Variants in MAF observed in about 807,000 individuals in gnomAD.
The protein encoded by MAF is MAF bZIP transcription factor, also known as transcription factor Maf.
A neutral mutation model predicts 22.0 loss-of-function variants in MAF; 10 were observed. The observed-to-expected ratio is 0.45, with a 90% CI of 0.28 to 0.77. The LOEUF is 0.77. Ranked by LOEUF, MAF falls within the 30% of genes least tolerant of loss-of-function variation. The probability of loss-of-function intolerance (pLI) is 0.12; values close to 1 mark genes in which losing one functional copy is unlikely to be tolerated. For missense variants in MAF, 544 were observed against 548.4 expected (o/e 0.99, Z 0.08); for synonymous variants, 337 against 255.8 (o/e 1.32, Z -3.03).
the MAF span, among the ~76,000 whole-genome samples, chr16:79,452,456 T>C: frequency 6.6e-6 from 1 of 152,228 alleles, no homozygotes; most frequent in South Asian, 2.1e-4. Context: ...AGACAATTTA[T>C]AACTGGCATT....
the MAF span, among the ~76,000 whole-genome samples, chr16:79,260,767 T>C: frequency 1.3e-5 from 2 of 152,098 alleles, no homozygotes; most frequent in African/African-American, 4.8e-5. Context: ...CTCACTTTGG[T>C]ATGATATAGG....
the MAF span, among the ~76,000 whole-genome samples, chr16:79,301,286 G>T: frequency 6.6e-6 from 1 of 152,156 alleles, no homozygotes; most frequent in South Asian, 2.1e-4. Flanking sequence ...GCTGACCAGC[G>T]AGACCCTGGG....
At chr16:79,494,440 A>AG in the MAF span, among the ~76,000 whole-genome samples, 3 of 152,132 alleles carry the variant, frequency 2.0e-5, no homozygotes, top group East Asian at 5.8e-4. Context: ...AAGTAGCCAC[A>AG]GGGAGTCAAA....
At chr16:79,471,236 A>G in the MAF span, among the ~76,000 whole-genome samples, 226 of 152,318 alleles carry the variant, frequency 1.5e-3, 1 homozygote, top group Non-Finnish European at 2.8e-3. Flanking sequence ...TCTACCCATT[A>G]ATCTGCTTAC....
the MAF span, among the ~76,000 whole-genome samples, chr16:79,368,083 G>A: frequency 6.6e-6 from 1 of 152,316 alleles, no homozygotes; most frequent in Admixed American, 6.5e-5. Flanking sequence ...TTCCCCGTCT[G>A]CATGCTGCTC....
the MAF span, among the ~76,000 whole-genome samples, chr16:79,491,287 G>C: frequency 6.6e-6 from 1 of 152,176 alleles, no homozygotes. Flanking sequence ...TAGAGGAACC[G>C]AGAGATTGGG....
chr16:79,595,124 GAAAAA>G, intron 1 of MAF: 2 of 922,196 alleles, frequency 2.2e-6, no homozygotes, highest in East Asian at 7.1e-5. Context: ...TTGTGATGAG[GAAAAA>G]AAAAAAAAAA....
chr16:79,412,392 T>G, the MAF span, among the ~76,000 whole-genome samples: 1 of 152,212 alleles, frequency 6.6e-6, no homozygotes, highest in African/African-American at 2.4e-5. Flanking sequence ...TGTCTGTGTT[T>G]CCTCCATTGT....
the MAF span, among the ~76,000 whole-genome samples, chr16:79,321,981 C>T: frequency 2.6e-5 from 4 of 152,138 alleles, no homozygotes; most frequent in Admixed American, 1.3e-4. Context: ...CCTGTAGTCC[C>T]AGCACTTTGG....
chr16:79,331,065 G>T, the MAF span, among the ~76,000 whole-genome samples: 1 of 152,192 alleles, frequency 6.6e-6, no homozygotes, highest in Non-Finnish European at 1.5e-5. Flanking sequence ...GATATTTCAA[G>T]AAACAAAGTG....
chr16:79,542,285 G>A, the MAF span, among the ~76,000 whole-genome samples: 5 of 152,250 alleles, frequency 3.3e-5, no homozygotes, highest in South Asian at 2.1e-4. Context: ...ACAGGAAAGC[G>A]GTTCTCAGCC....
chr16:79,341,866 G>C, the MAF span, among the ~76,000 whole-genome samples: 2 of 152,146 alleles, frequency 1.3e-5, no homozygotes, highest in Non-Finnish European at 2.9e-5. Context: ...TGATAAACTT[G>C]CTGGTGGATT....
the MAF span, among the ~76,000 whole-genome samples, chr16:79,481,709 C>T: frequency 6.6e-6 from 1 of 152,150 alleles, no homozygotes; most frequent in Non-Finnish European, 1.5e-5. Flanking sequence ...GCCATCCACC[C>T]ACCCATCCAT....
chr16:79,454,185 G>A, the MAF span, among the ~76,000 whole-genome samples: 36 of 152,134 alleles, frequency 2.4e-4, no homozygotes, highest in Non-Finnish European at 4.1e-4. Flanking sequence ...AGATAAGACA[G>A]CAAGTCATTG....
chr16:79,441,853 T>G, the MAF span, among the ~76,000 whole-genome samples: 49 of 152,294 alleles, frequency 3.2e-4, 1 homozygote, highest in Admixed American at 3.1e-3. Flanking sequence ...GTTAAGAATG[T>G]CGAGGTAAAA....
the MAF span, among the ~76,000 whole-genome samples, chr16:79,384,903 G>A: frequency 1.3e-5 from 2 of 152,168 alleles, no homozygotes; most frequent in Non-Finnish European, 2.9e-5. Flanking sequence ...AAATTCTAAG[G>A]CAAGTTGCAC....
At chr16:79,547,264 C>G in the MAF span, among the ~76,000 whole-genome samples, 1 of 151,910 alleles carries the variant, frequency 6.6e-6, no homozygotes. Context: ...CCCATACACA[C>G]TACTGTATCT....
At chr16:79,286,669 G>A in the MAF span, among the ~76,000 whole-genome samples, 1 of 152,154 alleles carries the variant, frequency 6.6e-6, no homozygotes, top group African/African-American at 2.4e-5. Context: ...CATAGATACA[G>A]AACTTGCTCA....
the MAF span, chr16:79,516,038 C>CT: frequency 6.8e-6 from 1 of 146,944 alleles, no homozygotes; most frequent in Admixed American, 7.0e-5. Flanking sequence ...TCAAGTGGCT[C>CT]CTATCCCATG....
Sources: allele counts gnomAD v4.1 joint callset (sites outside exome capture counted in the v4.1 genomes callset), GRCh38; gene constraint gnomAD v4.1.1; transcripts MANE v1.5; gene names NCBI Gene and HGNC (gene_info 2026-07-23, HGNC 2026-07-21).